Variants in FGGY observed in about 807,000 individuals in gnomAD.
FGGY encodes the protein FGGY carbohydrate kinase domain-containing protein.
FGGY carries 72 observed loss-of-function variants against 71.3 expected under a neutral mutation model. The ratio of observed to expected loss-of-function variants is 1.01; its 90% CI spans 0.84 to 1.23. The LOEUF (loss-of-function observed/expected upper bound fraction) is 1.23. FGGY is among the 50% of genes most tolerant of loss of function. The pLI, the probability that FGGY is intolerant of heterozygous loss-of-function variation, is 0.00. For synonymous variants in FGGY, 251 were observed against 250.3 expected, an observed-to-expected ratio of 1.00 and a Z score of -0.02; for missense variants, 668 against 682.3, an observed-to-expected ratio of 0.98 and a Z score of 0.23.
chr1:59,616,079 G>A (rs904466720), intron 9 of FGGY, among the ~76,000 whole-genome samples: 2 of 152,168 alleles, frequency 1.3e-5, no homozygotes, highest in African/African-American at 4.8e-5. Flanking sequence ...TCAGTGTGGT[G>A]ATTCCTCAGG....
intron 10 of FGGY, among the ~76,000 whole-genome samples, chr1:59,627,489 T>TATATATATATAGATATACAC (rs1469493501): frequency 1.1e-5 from 1 of 92,802 alleles, no homozygotes; most frequent in African/African-American, 5.1e-5. Context: ...TATATATATA[T>TATATATATATAGATATACAC]ACACACACAC....
chr1:59,411,655 CACTT>C (rs1021896137), intron 5 of FGGY, among the ~76,000 whole-genome samples: 4 of 152,202 alleles, frequency 2.6e-5, no homozygotes, highest in African/African-American at 9.6e-5. Context: ...CCTCGCCACA[CACTT>C]ATTTATTCAT....
intron 4 of FGGY, among the ~76,000 whole-genome samples, chr1:59,358,261 G>A (rs1461786636): frequency 6.6e-6 from 1 of 152,106 alleles, no homozygotes; most frequent in African/African-American, 2.4e-5. Flanking sequence ...TGAACACCTG[G>A]GCTGTTTTAC....
upstream of FGGY, chr1:59,296,849 G>C (rs959776985): frequency 1.3e-5 from 2 of 152,366 alleles, no homozygotes; most frequent in African/African-American, 2.4e-5. Context: ...CGTGGGGTTC[G>C]GCGCGGCTAC....
At position 59,378,774 on chromosome 1, in the gene FGGY, A is replaced by C; in HGVS notation, c.491A>C (p.Lys164Thr). The change falls in exon 5 of 16, where the codon AAG becomes ACG. Residue 164 changes from lysine (K) to threonine (T), a missense_variant. Transcript: ENST00000303721. Reference protein sequence around the residue: ...KENLREICWDKAGHFFDLPDF... With the variant: ...KENLREICWDTAGHFFDLPDF... ...AACTTGAGAGAGATTTGCTGGGATA[A>C]GGCGGGACATTTCTTTGATCTCCCG... is the stretch of plus-strand genomic sequence containing the variant. 6.2e-7 allele frequency: 1 copy of C among 1,613,540 alleles called. No homozygotes were observed. The highest frequency in any genetic ancestry group is 1.3e-5 in the African/African-American group (1 of 75,016).
chr1:59,505,126 A>G (rs1284085833), intron 6 of FGGY, among the ~76,000 whole-genome samples: 3 of 152,190 alleles, frequency 2.0e-5, no homozygotes, highest in East Asian at 1.9e-4. Flanking sequence ...AGGCCAGACT[A>G]TCGGGCCAGG....
chr1:59,532,777 C>A (rs1054829515), intron 7 of FGGY, among the ~76,000 whole-genome samples: 15 of 150,896 alleles, frequency 9.9e-5, no homozygotes, highest in African/African-American at 3.2e-4. Flanking sequence ...TCTAGTGCAA[C>A]AAGTCAAGAA....
At chr1:59,356,582 A>G (rs1303961038) in intron 4 of FGGY, among the ~76,000 whole-genome samples, 1 of 152,210 alleles carries the variant, frequency 6.6e-6, no homozygotes, top group African/African-American at 2.4e-5. Flanking sequence ...TTTAAATTCT[A>G]ACATTAATAA....
intron 14 of FGGY, among the ~76,000 whole-genome samples, chr1:59,723,357 C>G (rs147737276): frequency 6.6e-6 from 1 of 152,156 alleles, no homozygotes; most frequent in Admixed American, 6.5e-5. Context: ...CATTCTAACT[C>G]GCTCTCCTTG....
At position 59,638,330 on chromosome 1, in the gene FGGY, C is replaced by T; in HGVS notation, c.1176C>T (p.Phe392=). The change falls in exon 11 of 16, where the codon TTC becomes TTT. Residue 392 remains phenylalanine, a synonymous_variant. Transcript: ENST00000303721. The part of the protein sequence containing the change: ...LTVDLHVWPD[F]HGNRSPLADL... The stretch of plus-strand genomic sequence containing the variant: ...TTGATTTACATGTTTGGCCAGATTT[C>T]CATGGCAACCGGTCTCCCTTAGCAG... 1 of 1,614,246 alleles carries T rather than the reference C, an allele frequency of 6.2e-7. No homozygotes were observed. The highest frequency in any genetic ancestry group is 1.1e-5 in the South Asian group (1 of 91,086).
chr1:59,488,529 A>G (rs952661166), intron 6 of FGGY, among the ~76,000 whole-genome samples: 2 of 148,258 alleles, frequency 1.3e-5, no homozygotes, highest in African/African-American at 4.9e-5. Flanking sequence ...TATTATATAT[A>G]AATATGTATT....
intron 5 of FGGY, among the ~76,000 whole-genome samples, chr1:59,431,898 G>A (rs1189052393): frequency 2.0e-5 from 3 of 152,122 alleles, no homozygotes; most frequent in Admixed American, 2.0e-4. Flanking sequence ...TTTCCTAAGC[G>A]ATAGAGCATC....
Position 59,409,821 on chromosome 1 carries a change from A to G in FGGY, c.554+30984A>G, listed in dbSNP as rs187889079. On this transcript the variant is annotated intron_variant, in intron 5 of 15. Transcript: ENST00000303721. Reference sequence around the variant, plus strand: ...TAGTTAAATGAAATAACTAAGTTTTATGGAGTATCCATTATGTGTTAGGCA... The same window carrying G: ...TAGTTAAATGAAATAACTAAGTTTTGTGGAGTATCCATTATGTGTTAGGCA... 2.2e-3 allele frequency among the ~76,000 whole-genome samples: 342 copies of G among 152,272 alleles called. 2 individuals are homozygous for G. Among genetic ancestry groups the G allele is most frequent in the African/African-American group, 7.5e-3 (312 of 41,544 alleles).
chr1:59,459,773 T>A (rs577046304), intron 6 of FGGY, among the ~76,000 whole-genome samples: 1 of 152,320 alleles, frequency 6.6e-6, no homozygotes, highest in East Asian at 1.9e-4. Flanking sequence ...CAGGTGCCAT[T>A]TCAGCATGCC....
chr1:59,482,634 G>GTGTATATATATA (rs144699610), intron 6 of FGGY, among the ~76,000 whole-genome samples: 68 of 147,458 alleles, frequency 4.6e-4, no homozygotes, highest in Non-Finnish European at 7.0e-4. Context: ...GTGTCTGTGT[G>GTGTATATATATA]TATATATATA....
chr1:59,443,640 C>T (rs2070513905), intron 5 of FGGY, among the ~76,000 whole-genome samples: 1 of 152,230 alleles, frequency 6.6e-6, no homozygotes, highest in Admixed American at 6.5e-5. Context: ...ATAGACACCA[C>T]TGTCCTTATA....
intron 4 of FGGY, among the ~76,000 whole-genome samples, chr1:59,347,267 C>A (rs1310837967): frequency 9.2e-5 from 11 of 119,330 alleles, no homozygotes; most frequent in South Asian, 3.1e-4. Flanking sequence ...CCACAACAGG[C>A]CCCGGTGTGT....
At chr1:59,412,749 A>C (rs188816448) in intron 5 of FGGY, among the ~76,000 whole-genome samples, 1 of 152,128 alleles carries the variant, frequency 6.6e-6, no homozygotes, top group East Asian at 1.9e-4. Context: ...TATTTGGGGG[A>C]GCAGAAATAA....
At chr1:59,432,443 G>A (rs1371767477) in intron 5 of FGGY, among the ~76,000 whole-genome samples, 1 of 152,116 alleles carries the variant, frequency 6.6e-6, no homozygotes, top group Non-Finnish European at 1.5e-5. Flanking sequence ...GTCTTGGATT[G>A]AAGCCTTAAC....
Sources: allele counts gnomAD v4.1 joint callset (sites outside exome capture counted in the v4.1 genomes callset), GRCh38; gene constraint gnomAD v4.1.1; transcripts MANE v1.5; gene names NCBI Gene and HGNC (gene_info 2026-07-23, HGNC 2026-07-21).